Variants in AFAP1 observed in about 807,000 individuals in gnomAD.
AFAP1 encodes the protein actin filament associated protein 1.
Under a neutral mutation model 93.9 loss-of-function variants are expected in AFAP1, and 75 were observed. That is an observed-to-expected ratio of 0.80 (90% CI 0.66 to 0.97). AFAP1 has a LOEUF of 0.97. Ranked by LOEUF, AFAP1 falls within the 50% of genes least tolerant of loss-of-function variation. The pLI is 0.00. For synonymous variants in AFAP1, 517 were observed against 430.7 expected (o/e 1.20, Z -2.48); for missense variants, 1,201 against 1,050.8 (o/e 1.14, Z -1.98).
intron 1 of AFAP1, among the ~76,000 whole-genome samples, chr4:7,913,986 C>G (rs557072682): frequency 6.6e-6 from 1 of 152,206 alleles, no homozygotes; most frequent in African/African-American, 2.4e-5. Context: ...TATCCACCAT[C>G]TCAAACATTT....
chr4:7,835,491 G>A (rs375350041), intron 6 of AFAP1, among the ~76,000 whole-genome samples: 2,332 of 45,366 alleles, frequency 0.051, 38 homozygotes, highest in African/African-American at 0.064. Flanking sequence ...GCTCTTGAAT[G>A]GACTGCGGGC....
At chr4:7,869,083 AAGAG>A (rs1193136622) in intron 2 of AFAP1, among the ~76,000 whole-genome samples, 1 of 151,826 alleles carries the variant, frequency 6.6e-6, no homozygotes, top group Non-Finnish European at 1.5e-5. Context: ...GAAAAAAGAA[AAGAG>A]AAAGAAAAAG....
rs77835599 is a variant in AFAP1 at position 7,837,250 on chromosome 4, G to A, written c.726+1274C>T. Among the ~76,000 whole-genome samples, 1,368 of 152,238 alleles carry A rather than the reference G, an allele frequency of 9.0e-3. 13 individuals are homozygous for A. Among genetic ancestry groups the A allele is most frequent in the African/African-American group, 0.03 (1,256 of 41,528 alleles). ...AGGACTGAACACTACTGCCATGGACGGAATGTGTTCCCCCAAATTCATATC... is the reference window on the plus strand; with the variant it reads ...AGGACTGAACACTACTGCCATGGACAGAATGTGTTCCCCCAAATTCATATC... On this transcript the variant is annotated intron_variant, in intron 6 of 17. Transcript: ENST00000420658.
At chr4:7,883,784 C>A (rs757213107) in intron 1 of AFAP1, among the ~76,000 whole-genome samples, 3 of 152,090 alleles carry the variant, frequency 2.0e-5, no homozygotes, top group Admixed American at 6.5e-5. Context: ...ATAGGGAAAA[C>A]TTAAAACTTG....
At chr4:7,819,531 G>A (rs1462862719) in intron 6 of AFAP1, among the ~76,000 whole-genome samples, 2 of 152,184 alleles carry the variant, frequency 1.3e-5, no homozygotes, top group Non-Finnish European at 2.9e-5. Context: ...GATAGTGGGT[G>A]GCTACTTTAG....
chr4:7,816,983 C>T (rs1466815505), intron 7 of AFAP1, among the ~76,000 whole-genome samples: 3 of 152,338 alleles, frequency 2.0e-5, no homozygotes, highest in Admixed American at 1.3e-4. Flanking sequence ...ACACCAGGAA[C>T]AGCTGGGGGA....
intron 11 of AFAP1, among the ~76,000 whole-genome samples, chr4:7,791,914 C>T (rs757629761): frequency 1.3e-5 from 2 of 151,878 alleles, no homozygotes; most frequent in Non-Finnish European, 2.9e-5. Context: ...AGAGTGTTCA[C>T]GTCTGTAAAC....
At chr4:7,898,252 C>G (rs1352073716) in intron 1 of AFAP1, among the ~76,000 whole-genome samples, 2 of 151,968 alleles carry the variant, frequency 1.3e-5, no homozygotes, top group African/African-American at 4.8e-5. Flanking sequence ...AATAAAAATA[C>G]AAAAAATTAG....
rs370095450 is a variant in AFAP1 at position 7,907,713 on chromosome 4, A to T, written c.-3+31943T>A. 4.6e-5 allele frequency among the ~76,000 whole-genome samples: 7 copies of T among 152,290 alleles called. No individual in the cohort carries two copies. The East Asian group carries it at 9.7e-4, about 21-fold the overall frequency. On this transcript the variant is annotated intron_variant, in intron 1 of 17. Coordinates refer to ENST00000420658, the MANE Select transcript of AFAP1 (RefSeq NM_001134647.2). The stretch of plus-strand genomic sequence containing the variant: ...TTGAATTCAGGATACTCAACCAGCA[A>T]GTATAATACATATTCAAAAATCCAA...
intron 3 of AFAP1, among the ~76,000 whole-genome samples, chr4:7,866,205 GT>G (rs144122836): frequency 0.35 from 52,677 of 149,814 alleles, 9,841 homozygotes; most frequent in African/African-American, 0.48. Context: ...CAGGTTTTTT[GT>G]TTTTTTTTGA....
At chr4:7,838,411 G>T in intron 6 of AFAP1, 113 bp downstream of exon 6, 1 of 1,254,196 alleles carries the variant, frequency 8.0e-7, no homozygotes, top group Non-Finnish European at 1.1e-6. Context: ...AACTCTTTGG[G>T]TGAATCCATC....
At chr4:7,806,845 G>A (rs1719557058) in intron 9 of AFAP1, among the ~76,000 whole-genome samples, 2 of 152,180 alleles carry the variant, frequency 1.3e-5, no homozygotes, top group South Asian at 4.1e-4. Context: ...CAGTATTCCT[G>A]CTCCCTGAGC....
At chr4:7,866,490 C>G (rs28376859) in intron 3 of AFAP1, among the ~76,000 whole-genome samples, 52,431 of 152,170 alleles carry the variant, frequency 0.34, 9,652 homozygotes, top group African/African-American at 0.46. Context: ...GCCACCGCAC[C>G]TGGCCCCAGC....
At chr4:7,845,746 C>A (rs1406445837) in intron 4 of AFAP1, among the ~76,000 whole-genome samples, 1 of 152,160 alleles carries the variant, frequency 6.6e-6, no homozygotes, top group Non-Finnish European at 1.5e-5. Flanking sequence ...TCACCAAGCA[C>A]CCCCTGCTTC....
intron 11 of AFAP1, among the ~76,000 whole-genome samples, chr4:7,790,948 C>T (rs1037962255): frequency 6.6e-6 from 1 of 152,170 alleles, no homozygotes; most frequent in Non-Finnish European, 1.5e-5. Flanking sequence ...GTGTATGTAA[C>T]ATGTGGCTTG....
intron 1 of AFAP1, among the ~76,000 whole-genome samples, chr4:7,895,014 A>G (rs2149211194): frequency 6.6e-6 from 1 of 152,346 alleles, no homozygotes; most frequent in East Asian, 1.9e-4. Flanking sequence ...TGGGTAACAT[A>G]TGTCAGTGTG....
intron 6 of AFAP1, among the ~76,000 whole-genome samples, chr4:7,827,623 C>T (rs186952768): frequency 3.0e-4 from 39 of 131,984 alleles, no homozygotes; most frequent in South Asian, 2.9e-3. Flanking sequence ...CAAGAGAGGA[C>T]GGCCAAAAGC....
intron 14 of AFAP1, chr4:7,775,592 G>C (rs951385516): frequency 6.7e-6 from 1 of 148,958 alleles, no homozygotes; most frequent in East Asian, 1.9e-4. Flanking sequence ...CACCCGGCAC[G>C]GAGTGTGGCA....
chr4:7,925,476 G>T lies in AFAP1; in HGVS notation c.-3+14180C>A, dbSNP rs191306232. ...ACCTGTAATCCCAGCACTTTGGGAG[G>T]CCGAGTCAGGTGGATTACCTGAGGT... On this transcript the variant is annotated intron_variant, in intron 1 of 17. Transcript: ENST00000420658. 2.6e-3 allele frequency among the ~76,000 whole-genome samples: 391 copies of T among 152,212 alleles called. 2 individuals carry two copies. Among genetic ancestry groups the T allele is most frequent in the Non-Finnish European group, 3.2e-3 (218 of 68,040 alleles).
Sources: allele counts gnomAD v4.1 joint callset (sites outside exome capture counted in the v4.1 genomes callset), GRCh38; gene constraint gnomAD v4.1.1; transcripts MANE v1.5; gene names NCBI Gene and HGNC (gene_info 2026-07-23, HGNC 2026-07-21).